LRRC57: variants seen among roughly 807,000 people sequenced by gnomAD.
The protein encoded by LRRC57 is leucine-rich repeat-containing protein 57.
In LRRC57, 14 loss-of-function variants were observed where a neutral mutation model predicts 23.1. The observed-to-expected ratio is 0.61, with a 90% confidence interval of 0.40 to 0.95. LRRC57 has a LOEUF of 0.95. Among genes scored for constraint, LRRC57 ranks in the 40% least tolerant of loss-of-function variants. The pLI is 0.00. For synonymous variants in LRRC57, 106 were observed against 115.2 expected (o/e 0.92, Z 0.51); for missense variants, 236 against 284.4 (o/e 0.83, Z 1.22).
chr15:42,534,838 C>G (rs1037908585), downstream of LRRC57, among the ~76,000 whole-genome samples: 3 of 152,194 alleles, frequency 2.0e-5, no homozygotes, highest in African/African-American at 7.2e-5. Flanking sequence ...TACTTCTCAA[C>G]AGTGGGTTTA....
Position 42,548,184 on chromosome 15 carries a change from T to C in LRRC57, c.145A>G (p.Lys49Glu), listed in dbSNP as rs2057673146. 1 of 1,614,046 alleles carries C rather than the reference T, an allele frequency of 6.2e-7. No individual in the cohort carries two copies. Among genetic ancestry groups the C allele is most frequent in the African/African-American group, 1.3e-5 (1 of 74,938 alleles). Reference protein sequence around the residue: ...NLRTIDLSNNKIESLPPLLIG... With the variant: ...NLRTIDLSNNEIESLPPLLIG... ...AGCAAAGGCGGTAGGCTTTCGATCT[T>C]GTTGTTGGACAAGTCGATGGTCCTG... The change falls in exon 3 of 6, where the codon AAG becomes GAG. Residue 49 changes from lysine to glutamate, a missense_variant. Lys to Glu is a moderately conservative substitution (Grantham distance 56). Transcript: ENST00000397130.
the LRRC57 span, chr15:42,529,950 G>A: frequency 2.1e-6 from 2 of 973,368 alleles, no homozygotes; most frequent in East Asian, 2.6e-5. Flanking sequence ...ATTCTGATGA[G>A]GTGGTGGTTC....
chr15:42,532,927 T>C (rs374958141), downstream of LRRC57: 1 of 152,690 alleles, frequency 6.5e-6, no homozygotes, highest in Non-Finnish European at 1.5e-5. Context: ...TCCTGAAAAG[T>C]GTTATGAACA....
chr15:42,548,522 G>T, intron 1 of LRRC57, 66 bp from the exon 2 acceptor site: 2 of 1,330,446 alleles, frequency 1.5e-6, no homozygotes, highest in Admixed American at 2.2e-5. Flanking sequence ...TGGGGCTCCT[G>T]CCCCAGCTCT....
rs995498395 is a variant in LRRC57, at chr15:42,543,197, T to A, written c.*886A>T. 2.0e-5 allele frequency: 3 copies of A among 149,252 alleles called. No individual in the cohort carries two copies. Among genetic ancestry groups the A allele is most frequent in the Non-Finnish European group, 4.4e-5 (3 of 67,478 alleles). The allele number at this position is 149,252 out of a possible 1,614,324, so 9.2% of individuals were successfully genotyped here. ...AAAGCGTACTTTAAAAAAAAAAAAT[T>A]ATTTTTTATTTTTTTAATTTGAGAC... On this transcript the variant is annotated 3_prime_UTR_variant, in exon 6 of 6. Transcript: ENST00000397130.
chr15:42,538,774 G>A lies in LRRC57; in HGVS notation c.*5309C>T, dbSNP rs1254945430. On this transcript the variant is annotated 3_prime_UTR_variant, in exon 6 of 6. Transcript: ENST00000397130. Reference sequence around the variant, plus strand: ...CTATATTTACAAGTGAGACGAAATTGCTCAAATTCATAAAGCTAATAAATG... The same window carrying A: ...CTATATTTACAAGTGAGACGAAATTACTCAAATTCATAAAGCTAATAAATG... 1 of 152,176 alleles carries A rather than the reference G, an allele frequency of 6.6e-6. No homozygotes were observed. The highest frequency in any genetic ancestry group is 1.5e-5 in the Non-Finnish European group (1 of 68,042). The allele number at this position is 152,176 out of a possible 1,614,324, so 9.4% of individuals were successfully genotyped here. A position where few individuals can be genotyped will look rare whatever the true frequency, so the allele number is the denominator to read the frequency against.
chr15:42,533,729 A>G (rs551463515), downstream of LRRC57, among the ~76,000 whole-genome samples: 2 of 152,314 alleles, frequency 1.3e-5, no homozygotes, highest in South Asian at 4.1e-4. Context: ...TTGTCTGTAA[A>G]TGCAGATTAA....
At position 42,543,602 on chromosome 15, in the gene LRRC57, T is replaced by G. The variant is rs899905433; in HGVS notation, c.*481A>C. 3 of 153,154 alleles carry G rather than the reference T, an allele frequency of 2.0e-5. No homozygotes were observed. Among genetic ancestry groups the G allele is most frequent in the African/African-American group, 7.2e-5 (3 of 41,502 alleles). The allele number at this position is 153,154 out of a possible 1,614,324, so 9.5% of individuals were successfully genotyped here. A position where few individuals can be genotyped will look rare whatever the true frequency, so the allele number is the denominator to read the frequency against. ...AACTGATGGACTAGAATAAAAATAA[T>G]AAATCCTTAGATCCATGCCAGCCTC... On this transcript the variant is annotated 3_prime_UTR_variant, in exon 6 of 6. Coordinates refer to ENST00000397130, the MANE Select transcript of LRRC57 (RefSeq NM_153260.3).
chr15:42,544,839 AC>A (rs1246678533), intron 5 of LRRC57, among the ~76,000 whole-genome samples: 6 of 84,066 alleles, frequency 7.1e-5, no homozygotes, highest in African/African-American at 4.6e-4. Context: ...ACACACACAC[AC>A]ACTATATATA....
At chr15:42,531,352 A>G in the LRRC57 span, 2 of 1,215,714 alleles carry the variant, frequency 1.6e-6, no homozygotes, top group Non-Finnish European at 2.2e-6. Context: ...CCAAGTGTAA[A>G]AAGTTTAATT....
Position 42,544,014 on chromosome 15 carries a change from T to C in LRRC57, c.*69A>G. On this transcript the variant is annotated 3_prime_UTR_variant, in exon 6 of 6. Coordinates refer to ENST00000397130, the MANE Select transcript of LRRC57 (RefSeq NM_153260.3). ...TACCCCTAACAACAACAGGAGGCTT[T>C]GACTCAGCCACATTCCAACAGAGGT... 7.5e-7 allele frequency: 1 copy of C among 1,335,672 alleles called. No homozygotes were observed. The highest frequency in any genetic ancestry group is 1.1e-6 in the Non-Finnish European group (1 of 939,566). The allele number at this position is 1,335,672 out of a possible 1,614,324, so 82.7% of individuals were successfully genotyped here.
At position 42,544,015 on chromosome 15, in the gene LRRC57, G is replaced by C. The variant is rs1048480052; in HGVS notation, c.*68C>G. On this transcript the variant is annotated 3_prime_UTR_variant, in exon 6 of 6. Transcript: ENST00000397130. ...ACCCCTAACAACAACAGGAGGCTTT[G>C]ACTCAGCCACATTCCAACAGAGGTT... is the stretch of plus-strand genomic sequence containing the variant. The C allele has an allele frequency of 1.1e-4, 145 of 1,351,444 alleles. 1 individual carries two copies. The Admixed American group carries it at 2.5e-3, about 24-fold the overall frequency. 83.7% of individuals were successfully genotyped at this position (1,351,444 alleles called of 1,614,324 possible).
chr15:42,532,432 T>C, the LRRC57 span: 1 of 152,230 alleles, frequency 6.6e-6, no homozygotes, highest in African/African-American at 2.4e-5. Context: ...GTGATTCATA[T>C]ATGTACATAA....
downstream of LRRC57, among the ~76,000 whole-genome samples, chr15:42,535,756 TA>T (rs2057597680): frequency 6.6e-6 from 1 of 152,146 alleles, no homozygotes. Flanking sequence ...ATTGCAGGGC[TA>T]TATATTGGCC....
intron 5 of LRRC57, 70 bp from the exon 6 acceptor site, chr15:42,544,194 T>C: frequency 3.8e-6 from 5 of 1,301,596 alleles, no homozygotes; most frequent in Non-Finnish European, 4.3e-6. Context: ...TAACTATTTT[T>C]TTTTTCATTT....
downstream of LRRC57, among the ~76,000 whole-genome samples, chr15:42,533,505 A>AGAG (rs1057400767): frequency 4.0e-4 from 61 of 152,166 alleles, 1 homozygote; most frequent in African/African-American, 1.4e-3. Flanking sequence ...ATGTAAAGTA[A>AGAG]GGTGTAAAAC....
the LRRC57 span, among the ~76,000 whole-genome samples, chr15:42,528,676 C>G: frequency 6.6e-6 from 1 of 152,140 alleles, no homozygotes; most frequent in Non-Finnish European, 1.5e-5. Flanking sequence ...ACCTCTGCCT[C>G]CCAGGTTCAA....
chr15:42,547,570 G>T, intron 3 of LRRC57, 41 bp from the exon 4 acceptor site: 1 of 1,558,066 alleles, frequency 6.4e-7, no homozygotes, highest in Non-Finnish European at 8.7e-7. Context: ...ATGTGATAGA[G>T]CTGAAAACAA....
At chr15:42,528,566 G>A in the LRRC57 span, 1 of 835,220 alleles carries the variant, frequency 1.2e-6, no homozygotes, top group East Asian at 2.7e-5. Flanking sequence ...TCTGCCCACT[G>A]ACAAAATGTG....
Sources: allele counts gnomAD v4.1 joint callset (sites outside exome capture counted in the v4.1 genomes callset), GRCh38; gene constraint gnomAD v4.1.1; transcripts MANE v1.5; gene names NCBI Gene and HGNC (gene_info 2026-07-23, HGNC 2026-07-21).